The following MAML3 variants were observed in gnomAD, a reference collection of about 807,000 sequenced individuals.
The protein encoded by MAML3 is mastermind like transcriptional coactivator 3.
In MAML3, 27 loss-of-function variants were observed where a neutral mutation model predicts 101.9. The observed-to-expected ratio is 0.27, with a 90% CI of 0.20 to 0.37. MAML3 has a LOEUF of 0.37. Ranked by LOEUF, MAML3 falls within the 10% of genes least tolerant of loss-of-function variation. The probability of loss-of-function intolerance (pLI) is 1.00; values close to 1 mark genes in which losing one functional copy is unlikely to be tolerated. For missense variants in MAML3, 1,316 were observed against 1,444.9 expected, an observed-to-expected ratio of 0.91 and a Z score of 1.45; for synonymous variants, 501 against 555.9, an observed-to-expected ratio of 0.90 and a Z score of 1.39.
intron 1 of MAML3, among the ~76,000 whole-genome samples, chr4:140,088,850 G>C (rs1328084634): frequency 6.6e-6 from 1 of 152,164 alleles, no homozygotes; most frequent in Non-Finnish European, 1.5e-5. Flanking sequence ...GATGTAAGCT[G>C]AGTAAAATCA....
At chr4:139,781,192 T>C (rs1027895723) in intron 2 of MAML3, among the ~76,000 whole-genome samples, 1 of 152,054 alleles carries the variant, frequency 6.6e-6, no homozygotes, top group African/African-American at 2.4e-5. Context: ...CACTGAAAAA[T>C]AGAGTTGCAG....
chr4:139,923,860 C>T (rs565884249), intron 1 of MAML3, among the ~76,000 whole-genome samples: 1 of 152,018 alleles, frequency 6.6e-6, no homozygotes, highest in East Asian at 1.9e-4. Flanking sequence ...TACTGGCTAC[C>T]CTTATTATGA....
intron 1 of MAML3, among the ~76,000 whole-genome samples, chr4:139,906,328 C>G (rs1732821529): frequency 6.6e-6 from 1 of 152,142 alleles, no homozygotes; most frequent in African/African-American, 2.4e-5. Context: ...TAACTATTAG[C>G]AAAGAAGTAT....
At chr4:139,736,734 C>T (rs1439533554) in intron 2 of MAML3, among the ~76,000 whole-genome samples, 1 of 152,174 alleles carries the variant, frequency 6.6e-6, no homozygotes, top group Non-Finnish European at 1.5e-5. Flanking sequence ...TTCCCAGGCT[C>T]CCCTCTAGGC....
chr4:140,130,712 A>C (rs937830400), intron 1 of MAML3, among the ~76,000 whole-genome samples: 2 of 152,226 alleles, frequency 1.3e-5, no homozygotes, highest in African/African-American at 4.8e-5. Flanking sequence ...CTAGCTTACA[A>C]GCCATATTAC....
At chr4:140,015,687 C>T (rs1473914700) in intron 1 of MAML3, among the ~76,000 whole-genome samples, 2 of 152,174 alleles carry the variant, frequency 1.3e-5, no homozygotes, top group African/African-American at 4.8e-5. Flanking sequence ...GGTGTGGTGG[C>T]TTACGCCTGT....
At chr4:139,773,541 G>T (rs962736999) in intron 2 of MAML3, among the ~76,000 whole-genome samples, 6 of 152,140 alleles carry the variant, frequency 3.9e-5, no homozygotes, top group East Asian at 1.9e-4. Context: ...TGCTACTACA[G>T]AAAAATAATT....
At chr4:139,790,115 C>T (rs1380437507) in intron 2 of MAML3, among the ~76,000 whole-genome samples, 1 of 151,164 alleles carries the variant, frequency 6.6e-6, no homozygotes, top group East Asian at 1.9e-4. Context: ...ATGGTGTTCT[C>T]ATCTCTGGGG....
At chr4:139,745,254 G>A (rs893804351) in intron 2 of MAML3, among the ~76,000 whole-genome samples, 7 of 151,860 alleles carry the variant, frequency 4.6e-5, no homozygotes, top group African/African-American at 1.7e-4. Flanking sequence ...GGACAGATCT[G>A]CATGCAGGCA....
chr4:139,977,902 A>G (rs1231539601), intron 1 of MAML3, among the ~76,000 whole-genome samples: 1 of 152,094 alleles, frequency 6.6e-6, no homozygotes, highest in Non-Finnish European at 1.5e-5. Flanking sequence ...AACAAAAAAA[A>G]AACAAAAAAA....
intron 1 of MAML3, among the ~76,000 whole-genome samples, chr4:139,918,156 T>C (rs1733059892): frequency 6.6e-6 from 1 of 152,150 alleles, no homozygotes; most frequent in Admixed American, 6.5e-5. Context: ...TTTCCCATCT[T>C]ACCCTTTCCA....
At chr4:139,944,075 T>G (rs574817846) in intron 1 of MAML3, among the ~76,000 whole-genome samples, 11 of 152,104 alleles carry the variant, frequency 7.2e-5, no homozygotes, top group Admixed American at 7.2e-4. Flanking sequence ...TTTCACCATG[T>G]TCGCTGGGAT....
intron 1 of MAML3, among the ~76,000 whole-genome samples, chr4:139,972,611 A>C (rs1171312438): frequency 3.3e-5 from 5 of 152,238 alleles, no homozygotes; most frequent in Admixed American, 1.3e-4. Flanking sequence ...AAATGAGAGA[A>C]GGTTTTGGGA....
chr4:140,080,730 G>T (rs1727849534), intron 1 of MAML3, among the ~76,000 whole-genome samples: 1 of 152,168 alleles, frequency 6.6e-6, no homozygotes, highest in African/African-American at 2.4e-5. Context: ...GCAGAGGCCT[G>T]CCTGGTTAGT....
In MAML3 at chr4:139,885,858, G is replaced by C. The variant is rs557516605; in HGVS notation, c.2079+3499C>G. 1.6e-4 allele frequency among the ~76,000 whole-genome samples: 23 copies of C among 146,328 alleles called. No individual in the cohort carries two copies. The East Asian group carries it at 4.8e-3, about 31-fold the overall frequency. Reference sequence around the variant, plus strand: ...TGAGGCAGGAGAATGGCGTGAACCCGGGAGGTGGAGTTTGCAGTGAGCAGA... The same window carrying C: ...TGAGGCAGGAGAATGGCGTGAACCCCGGAGGTGGAGTTTGCAGTGAGCAGA... On this transcript the variant is annotated intron_variant, in intron 2 of 4. Transcript: ENST00000509479.
At chr4:139,973,743 C>G (rs987735929) in intron 1 of MAML3, among the ~76,000 whole-genome samples, 1 of 152,178 alleles carries the variant, frequency 6.6e-6, no homozygotes, top group South Asian at 2.1e-4. Flanking sequence ...AAAACCAGCT[C>G]AGAGGATGGG....
intron 1 of MAML3, among the ~76,000 whole-genome samples, chr4:140,078,524 T>G (rs1727812989): frequency 6.6e-6 from 1 of 152,068 alleles, no homozygotes; most frequent in South Asian, 2.1e-4. Flanking sequence ...GGGATCTCAC[T>G]TGCCACAGGA....
chr4:139,896,802 T>C (rs1288485493), intron 1 of MAML3, among the ~76,000 whole-genome samples: 5 of 152,200 alleles, frequency 3.3e-5, no homozygotes, highest in Admixed American at 3.3e-4. Context: ...AATCATATTT[T>C]ATCCTCACCA....
chr4:139,979,045 T>C (rs182407148), intron 1 of MAML3, among the ~76,000 whole-genome samples: 19 of 152,322 alleles, frequency 1.2e-4, no homozygotes, highest in Admixed American at 9.8e-4. Flanking sequence ...AAAATCATAA[T>C]ATCAGCCACT....
Sources: allele counts gnomAD v4.1 joint callset (sites outside exome capture counted in the v4.1 genomes callset), GRCh38; gene constraint gnomAD v4.1.1; transcripts MANE v1.5; gene names NCBI Gene and HGNC (gene_info 2026-07-23, HGNC 2026-07-21).